The following BTBD9 variants were observed in gnomAD, a reference collection of about 807,000 sequenced individuals.
BTBD9 encodes the protein BTB domain containing 9, also known as BTB/POZ domain-containing protein 9.
A neutral mutation model predicts 64.3 loss-of-function variants in BTBD9; 49 were observed. The observed-to-expected ratio is 0.76, with a 90% confidence interval of 0.61 to 0.97. The LOEUF (loss-of-function observed/expected upper bound fraction) is 0.97. BTBD9 is among the 50% of genes least tolerant of loss of function. The pLI is 0.00. For missense variants in BTBD9, 598 were observed against 762.1 expected (o/e 0.78, Z 2.53); for synonymous variants, 260 against 274.7 (o/e 0.95, Z 0.53).
At chr6:38,391,622 T>G (rs1766418254) in intron 6 of BTBD9, among the ~76,000 whole-genome samples, 1 of 144,092 alleles carries the variant, frequency 6.9e-6, no homozygotes, top group African/African-American at 2.7e-5. Flanking sequence ...AATAAAAACT[T>G]GCTTGTTTTT....
chr6:38,395,520 G>A lies in BTBD9; in HGVS notation c.1155-50427C>T, dbSNP rs116254455. On this transcript the variant is annotated intron_variant, in intron 6 of 10. Coordinates refer to ENST00000481247, the MANE Select transcript of BTBD9 (RefSeq NM_001099272.2). ...ATGGCCCTCACCAGATGCCAAAATTGTTGGCACCTTGATCTTGGACTTCTC... is the reference window on the plus strand; with the variant it reads ...ATGGCCCTCACCAGATGCCAAAATTATTGGCACCTTGATCTTGGACTTCTC... 2.6e-3 allele frequency among the ~76,000 whole-genome samples: 400 copies of A among 152,276 alleles called. 3 individuals are homozygous for A. The highest frequency in any genetic ancestry group is 9.2e-3 in the African/African-American group (383 of 41,576).
At chr6:38,483,606 G>C (rs774882970) in intron 6 of BTBD9, among the ~76,000 whole-genome samples, 16 of 151,992 alleles carry the variant, frequency 1.1e-4, no homozygotes, top group Non-Finnish European at 2.4e-4. Flanking sequence ...CTGTCTATCT[G>C]TCTGCCCTCA....
chr6:38,201,945 A>G (rs1400995714), intron 9 of BTBD9, among the ~76,000 whole-genome samples: 1 of 152,228 alleles, frequency 6.6e-6, no homozygotes, highest in East Asian at 1.9e-4. Flanking sequence ...TGAAGAGAAT[A>G]CAAACAAATG....
intron 9 of BTBD9, among the ~76,000 whole-genome samples, chr6:38,230,619 CATAT>C (rs1439828572): frequency 1.3e-5 from 2 of 150,842 alleles, no homozygotes; most frequent in Non-Finnish European, 3.0e-5. Context: ...ACCTAAAGGT[CATAT>C]ATGATCGGAG....
chr6:38,224,270 T>C (rs1197864391), intron 9 of BTBD9, among the ~76,000 whole-genome samples: 2 of 152,192 alleles, frequency 1.3e-5, no homozygotes, highest in East Asian at 1.9e-4. Flanking sequence ...TTGAGTCTCA[T>C]AGTCTGCACG....
chr6:38,438,475 G>C (rs1271003361), intron 6 of BTBD9, among the ~76,000 whole-genome samples: 2 of 152,166 alleles, frequency 1.3e-5, no homozygotes, highest in Non-Finnish European at 1.5e-5. Context: ...TGATGGGACA[G>C]TGCATGAGTT....
intron 6 of BTBD9, among the ~76,000 whole-genome samples, chr6:38,443,871 C>T (rs368104428): frequency 7.9e-5 from 12 of 152,334 alleles, no homozygotes; most frequent in African/African-American, 2.4e-4. Flanking sequence ...ATCCACTCCA[C>T]ACCTCTGCCC....
intron 6 of BTBD9, among the ~76,000 whole-genome samples, chr6:38,364,957 G>A (rs561773872): frequency 4.8e-4 from 73 of 152,254 alleles, no homozygotes; most frequent in African/African-American, 1.6e-3. Flanking sequence ...TAGGACATGG[G>A]AGTCCTATGA....
intron 6 of BTBD9, among the ~76,000 whole-genome samples, chr6:38,572,125 T>C (rs895285004): frequency 6.6e-6 from 1 of 152,142 alleles, no homozygotes; most frequent in African/African-American, 2.4e-5. Flanking sequence ...CTGACTTCTG[T>C]TACTATCACA....
intron 7 of BTBD9, among the ~76,000 whole-genome samples, chr6:38,310,577 C>T (rs1009144508): frequency 6.6e-6 from 1 of 151,980 alleles, no homozygotes; most frequent in Admixed American, 6.6e-5. Context: ...TTTAAAAGAG[C>T]CTTTTACTAT....
intron 7 of BTBD9, among the ~76,000 whole-genome samples, chr6:38,323,057 A>G (rs548848046): frequency 9.2e-5 from 14 of 152,352 alleles, no homozygotes; most frequent in African/African-American, 3.4e-4. Context: ...TCTAGCTGAG[A>G]CTGAGATTCA....
At chr6:38,427,249 G>A (rs1284829910) in intron 6 of BTBD9, among the ~76,000 whole-genome samples, 1 of 151,632 alleles carries the variant, frequency 6.6e-6, no homozygotes, top group Non-Finnish European at 1.5e-5. Context: ...CAGCTATTCA[G>A]GAGGCTCAGG....
chr6:38,405,990 T>G (rs967504123), intron 6 of BTBD9, among the ~76,000 whole-genome samples: 3 of 152,066 alleles, frequency 2.0e-5, no homozygotes, highest in Admixed American at 2.0e-4. Context: ...TCAACAACAG[T>G]GGACAGGATG....
chr6:38,256,547 T>A, intron 8 of BTBD9, 31 bp from the exon 9 acceptor site: 1 of 1,483,192 alleles, frequency 6.7e-7, no homozygotes, highest in Non-Finnish European at 9.4e-7. Flanking sequence ...AAGATTGCTG[T>A]AAATGTTTTA....
At chr6:38,226,480 G>A (rs1763396138) in intron 9 of BTBD9, among the ~76,000 whole-genome samples, 1 of 152,210 alleles carries the variant, frequency 6.6e-6, no homozygotes, top group Non-Finnish European at 1.5e-5. Context: ...CAGCCAGCAA[G>A]ATGGCAGAGG....
rs537496316 is a variant in BTBD9 at position 38,433,628 on chromosome 6, G to A, written c.1155-88535C>T. The stretch of plus-strand genomic sequence containing the variant: ...AACAGCCCCACCCCTATCTCCCTTT[G>A]CTGACTCCTTTTTTGGACTCAGCCC... On this transcript the variant is annotated intron_variant, in intron 6 of 10. Coordinates refer to ENST00000481247, the MANE Select transcript of BTBD9 (RefSeq NM_001099272.2). 4.5e-4 allele frequency among the ~76,000 whole-genome samples: 68 copies of A among 151,164 alleles called. 2 individuals carry two copies. Among genetic ancestry groups the A allele is most frequent in the Admixed American group, 9.9e-4 (15 of 15,188 alleles).
At chr6:38,328,706 G>A (rs2127580190) in intron 7 of BTBD9, among the ~76,000 whole-genome samples, 1 of 151,862 alleles carries the variant, frequency 6.6e-6, no homozygotes, top group East Asian at 1.9e-4. Flanking sequence ...TCAGCACTTT[G>A]GGAGGCCGAG....
intron 4 of BTBD9, among the ~76,000 whole-genome samples, chr6:38,584,498 A>G (rs2748166): frequency 0.38 from 57,417 of 152,072 alleles, 11,070 homozygotes; most frequent in African/African-American, 0.45. Flanking sequence ...CTAGCTACAC[A>G]GTGCCAAAAT....
intron 7 of BTBD9, among the ~76,000 whole-genome samples, chr6:38,295,975 G>T (rs1762144811): frequency 6.6e-6 from 1 of 152,104 alleles, no homozygotes; most frequent in Non-Finnish European, 1.5e-5. Context: ...TTGAACTTGG[G>T]AAGTTAAGGT....
Sources: allele counts gnomAD v4.1 joint callset (sites outside exome capture counted in the v4.1 genomes callset), GRCh38; gene constraint gnomAD v4.1.1; transcripts MANE v1.5; gene names NCBI Gene and HGNC (gene_info 2026-07-23, HGNC 2026-07-21).